Variants in FAM20C observed in about 807,000 individuals in gnomAD.
FAM20C encodes the protein FAM20C golgi associated secretory pathway kinase.
FAM20C carries 40 observed loss-of-function variants against 51.5 expected under a neutral mutation model. The observed-to-expected ratio is 0.78, with a 90% confidence interval of 0.60 to 1.01. The LOEUF (loss-of-function observed/expected upper bound fraction) is 1.01, where lower values mean the gene tolerates loss of function less well. FAM20C is among the 50% of genes least tolerant of loss of function. The pLI, the probability that FAM20C is intolerant of heterozygous loss-of-function variation, is 0.00. For missense variants in FAM20C, 861 were observed against 844.7 expected (o/e 1.02, Z -0.24); for synonymous variants, 406 against 380.6 (o/e 1.07, Z -0.78).
intron 4 of FAM20C, 32 bp downstream of exon 4, chr7:246,539 T>G (rs1249302967): frequency 3.6e-3 from 4,207 of 1,159,878 alleles, no homozygotes; most frequent in Non-Finnish European, 4.5e-3. Context: ...CCATCCGCGC[T>G]CCCGTGCGCT....
At chr7:204,917 CG>C (rs1786281433) in intron 2 of FAM20C, among the ~76,000 whole-genome samples, 1 of 152,156 alleles carries the variant, frequency 6.6e-6, no homozygotes, top group Admixed American at 6.5e-5. Flanking sequence ...TCTCGGTGCT[CG>C]GGGAGGGGAC....
In FAM20C at chr7:192,920, G is replaced by T. The variant is rs1785628569; in HGVS notation, c.-280G>T. The T allele has an allele frequency of 1.3e-5, 2 of 151,272 alleles. 1 individual carries two copies. Among genetic ancestry groups the T allele is most frequent in the South Asian group, 4.0e-4 (2 of 4,974 alleles). The allele number at this position is 151,272 out of a possible 1,614,324, so 9.4% of individuals were successfully genotyped here. On this transcript the variant is annotated 5_prime_UTR_variant, in exon 1 of 10. Transcript: ENST00000313766. ...CCTGCTGCGGCCCCAGCCGCCCCCC[G>T]CGCGCCCGGCTCCGCGGACCAGGAC... is the stretch of plus-strand genomic sequence containing the variant.
intron 3 of FAM20C, among the ~76,000 whole-genome samples, chr7:242,509 C>T (rs1224413825): frequency 1.3e-5 from 2 of 151,474 alleles, no homozygotes; most frequent in Non-Finnish European, 2.9e-5. Flanking sequence ...CAGCACTGTT[C>T]GGTGCACTGG....
At position 259,906 on chromosome 7, in the gene FAM20C, G is replaced by A. The variant is rs145750007; in HGVS notation, c.1681G>A (p.Val561Met). Residue 561 changes from valine (V) to methionine (M), a missense_variant, in exon 10 of 10, where the codon GTG becomes ATG. By Grantham distance (21) the Val-to-Met change is conservative. This residue lies in a region of FAM20C where 269 missense variants were observed against 283.8 expected (regional missense o/e 0.95). Transcript: ENST00000313766. The part of the protein sequence containing the change: ...RVVLKAVRDC[V>M]ERNGLHSVVD... Reference sequence around the variant, plus strand: ...CGTGCTAAAGGCCGTCCGGGACTGCGTGGAGAGGAACGGGCTCCACAGCGT... The same window carrying A: ...CGTGCTAAAGGCCGTCCGGGACTGCATGGAGAGGAACGGGCTCCACAGCGT... 4.6e-3 allele frequency: 7,007 copies of A among 1,535,438 alleles called. 254 individuals carry two copies. The East Asian group carries it at 0.071, about 16-fold the overall frequency.
intron 3 of FAM20C, among the ~76,000 whole-genome samples, chr7:234,679 G>T (rs1787799528): frequency 6.6e-6 from 1 of 152,186 alleles, no homozygotes; most frequent in Non-Finnish European, 1.5e-5. Context: ...GCACAGTTCA[G>T]TGAGTGACTT....
chr7:224,001 G>A (rs910114185), intron 3 of FAM20C, among the ~76,000 whole-genome samples: 2 of 152,150 alleles, frequency 1.3e-5, no homozygotes, highest in South Asian at 2.1e-4. Context: ...CTCCCGGCCC[G>A]CCAGCACCAT....
chr7:211,695 G>A (rs974978679), intron 3 of FAM20C, among the ~76,000 whole-genome samples: 2 of 152,212 alleles, frequency 1.3e-5, no homozygotes, highest in Non-Finnish European at 2.9e-5. Context: ...GGCTAAGCGG[G>A]GAGGTGGGGG....
intron 4 of FAM20C, among the ~76,000 whole-genome samples, chr7:247,064 T>A (rs896858178): frequency 6.6e-6 from 1 of 152,118 alleles, no homozygotes; most frequent in African/African-American, 2.4e-5. Flanking sequence ...GCTGCGAATC[T>A]TAACACAGAG....
intron 2 of FAM20C, among the ~76,000 whole-genome samples, chr7:206,154 G>A (rs568264622): frequency 1.1e-3 from 169 of 152,144 alleles, no homozygotes; most frequent in African/African-American, 3.9e-3. Flanking sequence ...CTCTCTGGCC[G>A]TCCCCCTGCT....
At chr7:212,606 G>C (rs1486002322) in intron 3 of FAM20C, among the ~76,000 whole-genome samples, 1 of 152,112 alleles carries the variant, frequency 6.6e-6, no homozygotes, top group East Asian at 1.9e-4. Context: ...TGTAGGTGAG[G>C]GGCCGGCGGT....
chr7:219,697 A>T (rs1787164247), intron 3 of FAM20C, among the ~76,000 whole-genome samples: 1 of 152,076 alleles, frequency 6.6e-6, no homozygotes, highest in Admixed American at 6.5e-5. Flanking sequence ...CCAGGCAGGG[A>T]CCTGGCCTCC....
At chr7:220,424 G>GCA (rs201460611) in intron 3 of FAM20C, among the ~76,000 whole-genome samples, 4 of 34,224 alleles carry the variant, frequency 1.2e-4, no homozygotes, top group Non-Finnish European at 2.2e-4. Flanking sequence ...CGTGGTCAAC[G>GCA]CACGTGAACA....
At chr7:207,977 T>A (rs1445831945) in intron 2 of FAM20C, among the ~76,000 whole-genome samples, 1 of 152,238 alleles carries the variant, frequency 6.6e-6, no homozygotes. Flanking sequence ...TACTGGAGGC[T>A]TCCACACCCC....
chr7:253,403 G>A (rs531011833), intron 5 of FAM20C, among the ~76,000 whole-genome samples: 8 of 152,342 alleles, frequency 5.3e-5, no homozygotes, highest in South Asian at 2.1e-4. Flanking sequence ...TGCGCTCTCC[G>A]GGAGGCCAAC....
At chr7:212,472 A>G (rs1475650953) in intron 3 of FAM20C, among the ~76,000 whole-genome samples, 1 of 152,150 alleles carries the variant, frequency 6.6e-6, no homozygotes, top group African/African-American at 2.4e-5. Flanking sequence ...CAAAAAAAAA[A>G]GTTTTCTTTA....
intron 3 of FAM20C, among the ~76,000 whole-genome samples, chr7:218,628 C>T (rs984475324): frequency 4.6e-5 from 7 of 152,138 alleles, no homozygotes; most frequent in African/African-American, 7.2e-5. Context: ...GGACATGACC[C>T]GTGTCCACCA....
intron 1 of FAM20C, 152 bp downstream of exon 1, chr7:193,956 G>T: frequency 8.3e-7 from 1 of 1,199,354 alleles, no homozygotes; most frequent in Non-Finnish European, 1.1e-6. Flanking sequence ...ACCTCAGGGC[G>T]CTGCCTTTGT....
At chr7:213,753 G>T (rs1786835788) in intron 3 of FAM20C, among the ~76,000 whole-genome samples, 2 of 152,182 alleles carry the variant, frequency 1.3e-5, no homozygotes, top group South Asian at 4.1e-4. Flanking sequence ...GTTTTCTGCA[G>T]CGGCTGCACC....
intron 2 of FAM20C, among the ~76,000 whole-genome samples, chr7:199,881 G>T (rs1163704636): frequency 6.6e-6 from 1 of 152,218 alleles, no homozygotes; most frequent in Non-Finnish European, 1.5e-5. Context: ...GGCATGTGAG[G>T]ATTCGGGCAG....
Sources: allele counts gnomAD v4.1 joint callset (sites outside exome capture counted in the v4.1 genomes callset), GRCh38; gene constraint gnomAD v4.1.1; regional missense constraint gnomAD v4.1.1; transcripts MANE v1.5; gene names NCBI Gene and HGNC (gene_info 2026-07-23, HGNC 2026-07-21).